SHANK2: variants seen among roughly 807,000 people sequenced by gnomAD.
The protein encoded by SHANK2 is SH3 and multiple ankyrin repeat domains 2, also known as SH3 and multiple ankyrin repeat domains protein 2.
Under a neutral mutation model 133.7 loss-of-function variants are expected in SHANK2, and 43 were observed. That is an observed-to-expected ratio of 0.32 (90% confidence interval 0.25 to 0.41). The LOEUF (loss-of-function observed/expected upper bound fraction) is 0.41. SHANK2 is among the 10% of genes least tolerant of loss of function. The pLI is 1.00. For missense variants in SHANK2, 1,994 were observed against 2,235.8 expected (o/e 0.89, Z 2.18); for synonymous variants, 1,017 against 952.8 (o/e 1.07, Z -1.24).
At chr11:71,206,659 G>T (rs1954132366) in intron 2 of SHANK2, among the ~76,000 whole-genome samples, 1 of 152,186 alleles carries the variant, frequency 6.6e-6, no homozygotes, top group Non-Finnish European at 1.5e-5. Context: ...GTCAAGGCTG[G>T]GTGCAGTGGC....
At chr11:71,057,266 G>A (rs1303289530) in intron 9 of SHANK2, among the ~76,000 whole-genome samples, 2 of 151,974 alleles carry the variant, frequency 1.3e-5, no homozygotes, top group Non-Finnish European at 2.9e-5. Context: ...CCCAGGAGGC[G>A]GAGGTTGCAG....
chr11:70,800,502 G>C (rs1428610084), intron 13 of SHANK2, among the ~76,000 whole-genome samples: 2 of 152,204 alleles, frequency 1.3e-5, no homozygotes, highest in Non-Finnish European at 2.9e-5. Flanking sequence ...GGCCCCATAA[G>C]TGTTTTCCTC....
At position 70,618,822 on chromosome 11, in the gene SHANK2, C is replaced by T. The variant is rs560518107; in HGVS notation, c.2061+41006G>A. Among the ~76,000 whole-genome samples the T allele has an allele frequency of 2.6e-4, 39 of 152,266 alleles. 1 individual carries two copies. Among genetic ancestry groups the T allele is most frequent in the Admixed American group, 2.2e-3 (34 of 15,302 alleles). ...CTGGGCAGGTGACCCTGGAAAGGCC[C>T]GGAAACCACCCAAGGCTGGCTCTCC... On this transcript the variant is annotated intron_variant, in intron 17 of 25. Coordinates refer to ENST00000601538, the MANE Select transcript of SHANK2 (RefSeq NM_012309.5).
At chr11:70,601,749 G>C (rs2060500721) in intron 17 of SHANK2, among the ~76,000 whole-genome samples, 1 of 152,228 alleles carries the variant, frequency 6.6e-6, no homozygotes, top group African/African-American at 2.4e-5. Flanking sequence ...TCCCAGCAAA[G>C]GCACCACAAA....
At chr11:70,727,539 G>A (rs975938648) in intron 14 of SHANK2, among the ~76,000 whole-genome samples, 6 of 152,332 alleles carry the variant, frequency 3.9e-5, no homozygotes, top group African/African-American at 1.2e-4. Flanking sequence ...CCCAGGCAAG[G>A]TGTTGGTATT....
intron 14 of SHANK2, among the ~76,000 whole-genome samples, chr11:70,702,463 T>C (rs1945558440): frequency 1.3e-5 from 2 of 151,566 alleles, no homozygotes; most frequent in African/African-American, 4.9e-5. Context: ...ATCATCACTA[T>C]CATCACCACT....
At chr11:70,509,689 G>A (rs903350266) in intron 17 of SHANK2, among the ~76,000 whole-genome samples, 4 of 152,336 alleles carry the variant, frequency 2.6e-5, no homozygotes, top group Admixed American at 1.3e-4. Flanking sequence ...AACCCTCACC[G>A]CCAGTGTGAT....
intron 2 of SHANK2, among the ~76,000 whole-genome samples, chr11:71,170,467 C>G (rs1953292510): frequency 6.6e-6 from 1 of 152,192 alleles, no homozygotes; most frequent in Non-Finnish European, 1.5e-5. Flanking sequence ...TGGTGTATCA[C>G]CAGCTTTCAA....
At chr11:70,559,542 G>A (rs2059880011) in intron 17 of SHANK2, among the ~76,000 whole-genome samples, 1 of 152,118 alleles carries the variant, frequency 6.6e-6, no homozygotes, top group African/African-American at 2.4e-5. Context: ...CAGTGGCACG[G>A]CACTCCTCAC....
At chr11:70,915,474 T>C (rs1300602185) in intron 10 of SHANK2, among the ~76,000 whole-genome samples, 2 of 152,150 alleles carry the variant, frequency 1.3e-5, no homozygotes, top group East Asian at 1.9e-4. Flanking sequence ...TGCATCCAAG[T>C]ATGGGAAGGG....
intron 1 of SHANK2, among the ~76,000 whole-genome samples, chr11:71,236,318 C>G (rs1406420371): frequency 6.6e-6 from 1 of 152,178 alleles, no homozygotes; most frequent in Non-Finnish European, 1.5e-5. Context: ...GCATCAAAAC[C>G]CAACATGAGG....
intron 15 of SHANK2, among the ~76,000 whole-genome samples, chr11:70,679,273 A>T (rs1944974330): frequency 6.6e-6 from 1 of 152,176 alleles, no homozygotes; most frequent in East Asian, 1.9e-4. Flanking sequence ...TGCGGCTCAG[A>T]AAGGTCCAGT....
chr11:71,057,201 G>A (rs1950931384), intron 9 of SHANK2, among the ~76,000 whole-genome samples: 1 of 152,122 alleles, frequency 6.6e-6, no homozygotes, highest in African/African-American at 2.4e-5. Context: ...GGGCATGGAG[G>A]CATGCGCCTG....
At chr11:71,196,757 G>A (rs963723725) in intron 2 of SHANK2, among the ~76,000 whole-genome samples, 1 of 151,302 alleles carries the variant, frequency 6.6e-6, no homozygotes, top group African/African-American at 2.4e-5. Context: ...CAGCACTTTG[G>A]GAGGCCGAGG....
chr11:71,097,800 G>T (rs1590908362), intron 6 of SHANK2, among the ~76,000 whole-genome samples: 1 of 152,386 alleles, frequency 6.6e-6, no homozygotes, highest in African/African-American at 2.4e-5. Context: ...GACAGCTGCT[G>T]CTACCCAGCG....
chr11:70,626,130 TCA>T (rs1344802349), intron 17 of SHANK2, among the ~76,000 whole-genome samples: 4 of 151,888 alleles, frequency 2.6e-5, no homozygotes, highest in African/African-American at 9.7e-5. Context: ...TTGCCAAGAG[TCA>T]CAACTCAGCT....
intron 6 of SHANK2, among the ~76,000 whole-genome samples, chr11:71,102,016 T>C (rs1250533558): frequency 2.0e-5 from 3 of 152,220 alleles, no homozygotes; most frequent in Non-Finnish European, 4.4e-5. Flanking sequence ...CTTTTTGACC[T>C]CTCATTCAGA....
intron 7 of SHANK2, among the ~76,000 whole-genome samples, chr11:71,093,055 G>GGGC (rs1951546174): frequency 3.5e-5 from 5 of 144,584 alleles, no homozygotes; most frequent in Admixed American, 2.7e-4. Flanking sequence ...AAATAAAGGG[G>GGGC]GGGGGGGGCA....
chr11:70,589,277 C>T (rs1233985505), intron 17 of SHANK2, among the ~76,000 whole-genome samples: 1 of 152,226 alleles, frequency 6.6e-6, no homozygotes, highest in East Asian at 1.9e-4. Flanking sequence ...ATTTCCCATT[C>T]TGAAAATCCT....
Sources: gnomAD v4.1 joint callset for allele counts (sites outside exome capture counted in the v4.1 genomes callset) on GRCh38, gnomAD v4.1.1 for gene constraint, MANE v1.5 for transcripts, NCBI Gene and HGNC (gene_info 2026-07-23, HGNC 2026-07-21) for gene names.